JPH3: variants seen among roughly 807,000 people sequenced by gnomAD.
The protein encoded by JPH3 is junctophilin 3.
Under a neutral mutation model 59.6 loss-of-function variants are expected in JPH3, and 11 were observed. The observed-to-expected ratio is 0.18, with a 90% CI of 0.12 to 0.31. The LOEUF (loss-of-function observed/expected upper bound fraction) is 0.31, where lower values mean the gene tolerates loss of function less well. Among genes scored for constraint, JPH3 ranks in the 10% least tolerant of loss-of-function variants. The pLI is 1.00. For missense variants in JPH3, 1,202 were observed against 1,105.7 expected, an observed-to-expected ratio of 1.09 and a Z score of -1.24; for synonymous variants, 673 against 483.6, an observed-to-expected ratio of 1.39 and a Z score of -5.14.
chr16:87,636,789 T>C (rs2031764306), intron 1 of JPH3, among the ~76,000 whole-genome samples: 1 of 152,216 alleles, frequency 6.6e-6, no homozygotes, highest in South Asian at 2.1e-4. Flanking sequence ...CCGGGAGGCA[T>C]GGCCAGAGCT....
At chr16:87,664,204 GC>G (rs2032790606) in intron 2 of JPH3, among the ~76,000 whole-genome samples, 2 of 152,076 alleles carry the variant, frequency 1.3e-5, no homozygotes, top group African/African-American at 4.8e-5. Flanking sequence ...GGTGGAAGGC[GC>G]CTGTAGTCCC....
chr16:87,659,448 G>A (rs2032630956), intron 2 of JPH3, among the ~76,000 whole-genome samples: 1 of 150,714 alleles, frequency 6.6e-6, no homozygotes, highest in Admixed American at 6.6e-5. Context: ...TTTTGGCCAG[G>A]CACAGTGGCT....
chr16:87,631,383 T>C (rs913398313), intron 1 of JPH3, among the ~76,000 whole-genome samples: 1 of 152,212 alleles, frequency 6.6e-6, no homozygotes, highest in African/African-American at 2.4e-5. Context: ...TGAAAATCAT[T>C]TCTGCTCATA....
At chr16:87,672,066 C>T (rs1013792083) in intron 2 of JPH3, among the ~76,000 whole-genome samples, 9 of 152,014 alleles carry the variant, frequency 5.9e-5, no homozygotes, top group South Asian at 2.1e-4. Flanking sequence ...CTCGCTCAAC[C>T]GGGGTCTAGG....
At chr16:87,678,265 C>G (rs910582746) in intron 2 of JPH3, among the ~76,000 whole-genome samples, 7 of 151,518 alleles carry the variant, frequency 4.6e-5, no homozygotes, top group African/African-American at 1.7e-4. Flanking sequence ...ATAAACCAGC[C>G]AGGCGTGGTG....
chr16:87,684,434 C>G, intron 3 of JPH3, 168 bp downstream of exon 3: 1 of 1,149,610 alleles, frequency 8.7e-7, no homozygotes, highest in South Asian at 1.6e-5. Context: ...CTTGTTTGTG[C>G]CAAGGCCTGG....
At chr16:87,689,068 G>A (rs556410430) in intron 3 of JPH3, among the ~76,000 whole-genome samples, 10 of 152,242 alleles carry the variant, frequency 6.6e-5, no homozygotes, top group East Asian at 5.8e-4. Context: ...CTCCCCTTCC[G>A]GGGAGCCCCG....
intron 2 of JPH3, among the ~76,000 whole-genome samples, chr16:87,679,121 G>A (rs537882103): frequency 4.3e-4 from 65 of 152,308 alleles, no homozygotes; most frequent in African/African-American, 1.4e-3. Context: ...CCATCCCCCA[G>A]CTGGCCAGGC....
At chr16:87,645,687 C>T (rs564975204) in intron 2 of JPH3, among the ~76,000 whole-genome samples, 12 of 152,260 alleles carry the variant, frequency 7.9e-5, no homozygotes, top group South Asian at 4.1e-4. Context: ...GTGGGATCGA[C>T]GTGGCTTTTG....
In JPH3 at chr16:87,644,994, C is replaced by T. The variant is rs188752914; in HGVS notation, c.1119C>T (p.Ala373=). ...VDRAVEAAER[A]ATIAKQKAEI... ...GCGCCGTTGAGGCCGCTGAGCGGGCCGCCACCATCGCCAAGCAGAAGGCTG... is the reference window on the plus strand; with the variant it reads ...GCGCCGTTGAGGCCGCTGAGCGGGCTGCCACCATCGCCAAGCAGAAGGCTG... Residue 373 remains alanine, a synonymous_variant, in exon 2 of 5, where the codon GCC becomes GCT. Transcript: ENST00000284262. The T allele has an allele frequency of 1.4e-4, 219 of 1,607,222 alleles. No individual in the cohort carries two copies. Among genetic ancestry groups the T allele is most frequent in the South Asian group, 4.1e-4 (37 of 91,008 alleles).
intron 2 of JPH3, among the ~76,000 whole-genome samples, chr16:87,664,081 C>T (rs144894145): frequency 1.4e-3 from 210 of 148,608 alleles, no homozygotes; most frequent in Non-Finnish European, 2.5e-3. Context: ...CCTGTAATCC[C>T]AGCACTTTGG....
At chr16:87,661,078 C>T (rs756694010) in intron 2 of JPH3, among the ~76,000 whole-genome samples, 10 of 152,228 alleles carry the variant, frequency 6.6e-5, no homozygotes, top group Non-Finnish European at 1.5e-4. Context: ...ACATAAGTTT[C>T]TGGAGGCTCC....
intron 1 of JPH3, among the ~76,000 whole-genome samples, chr16:87,618,559 C>G (rs1182850472): frequency 6.6e-6 from 1 of 152,176 alleles, no homozygotes; most frequent in African/African-American, 2.4e-5. Context: ...GTGTTCGGCA[C>G]TAACTCCACC....
At chr16:87,670,141 G>C (rs1433717359) in intron 2 of JPH3, among the ~76,000 whole-genome samples, 1 of 152,192 alleles carries the variant, frequency 6.6e-6, no homozygotes, top group Non-Finnish European at 1.5e-5. Flanking sequence ...CAGGAGCAGA[G>C]GGTGAGGCGG....
chr16:87,645,350 G>T (rs1442738170), intron 2 of JPH3, among the ~76,000 whole-genome samples: 1 of 152,226 alleles, frequency 6.6e-6, no homozygotes, highest in East Asian at 1.9e-4. Context: ...AAAGAAGGTG[G>T]TCTGTTCCGT....
chr16:87,630,240 T>A (rs4360945), intron 1 of JPH3, among the ~76,000 whole-genome samples: 36,057 of 152,026 alleles, frequency 0.24, 4,513 homozygotes, highest in African/African-American at 0.31. Flanking sequence ...TGCCCACCTC[T>A]GGGGCCAGCT....
At chr16:87,682,668 C>T (rs1318015576) in intron 2 of JPH3, among the ~76,000 whole-genome samples, 1 of 152,208 alleles carries the variant, frequency 6.6e-6, no homozygotes, top group Non-Finnish European at 1.5e-5. Context: ...TATTGATGAG[C>T]CGCCCAAGCT....
chr16:87,602,514 G>C lies in JPH3; in HGVS notation c.-633G>C, dbSNP rs1244335289. On this transcript the variant is annotated 5_prime_UTR_variant, in exon 1 of 5. Coordinates refer to ENST00000284262, the MANE Select transcript of JPH3 (RefSeq NM_020655.4). ...GGCGCGCGCCGCGCGGCCCGAGCGC[G>C]CGAGCCGGGCCCGGAGCGCACGCCG... Among the ~76,000 whole-genome samples, 13 of 139,376 alleles carry C rather than the reference G, an allele frequency of 9.3e-5. No individual in the cohort carries two copies. The highest frequency in any genetic ancestry group is 2.6e-4 in the African/African-American group (10 of 39,042). 91.4% of individuals were successfully genotyped at this position (139,376 alleles called of 152,430 possible). A position where few individuals can be genotyped will look rare whatever the true frequency, so the allele number is the denominator to read the frequency against.
intron 2 of JPH3, among the ~76,000 whole-genome samples, chr16:87,661,901 T>C (rs1243709394): frequency 1.3e-5 from 2 of 152,206 alleles, no homozygotes; most frequent in East Asian, 3.9e-4. Flanking sequence ...TGCCTCACAC[T>C]CACGTCCCAT....
Sources: gnomAD v4.1 joint callset for allele counts (sites outside exome capture counted in the v4.1 genomes callset) on GRCh38, gnomAD v4.1.1 for gene constraint, MANE v1.5 for transcripts, NCBI Gene and HGNC (gene_info 2026-07-23, HGNC 2026-07-21) for gene names.